Variants in N4BP2 observed in about 807,000 individuals in gnomAD.
The protein encoded by N4BP2 is NEDD4 binding protein 2.
In N4BP2, 91 loss-of-function variants were observed where a neutral mutation model predicts 152.8. That is an observed-to-expected ratio of 0.60 (90% confidence interval 0.50 to 0.71). The LOEUF (loss-of-function observed/expected upper bound fraction) is 0.71, where lower values mean the gene tolerates loss of function less well. Among genes scored for constraint, N4BP2 ranks in the 30% least tolerant of loss-of-function variants. The pLI is 0.00. For synonymous variants in N4BP2, 646 were observed against 705.3 expected (o/e 0.92, Z 1.33); for missense variants, 1,923 against 2,059.1 (o/e 0.93, Z 1.28).
At position 40,120,280 on chromosome 4, in the gene N4BP2, A is replaced by G. The variant is rs755196258; in HGVS notation, c.2169A>G (p.Val723=). The G allele has an allele frequency of 6.2e-7, 1 of 1,613,720 alleles. No homozygotes were observed. The highest frequency in any genetic ancestry group is 8.5e-7 in the Non-Finnish European group (1 of 1,179,826). ...ACACAGATAGTTCTATGGAGAGAGTATCACCTAGTACTTGCTGTAGTGAAA... is the reference window on the plus strand; with the variant it reads ...ACACAGATAGTTCTATGGAGAGAGTGTCACCTAGTACTTGCTGTAGTGAAA... ...KTDTDSSMER[V]SPSTCCSENN... Residue 723 remains valine, a synonymous_variant, in exon 9 of 18, where the codon GTA becomes GTG. Coordinates refer to ENST00000261435, the MANE Select transcript of N4BP2 (RefSeq NM_018177.6).
chr4:40,125,657 G>A (rs1157555367), intron 11 of N4BP2, among the ~76,000 whole-genome samples: 6 of 152,092 alleles, frequency 3.9e-5, no homozygotes, highest in African/African-American at 9.7e-5. Context: ...AGGCCAAGGC[G>A]GGCGGATCAC....
intron 7 of N4BP2, among the ~76,000 whole-genome samples, chr4:40,117,593 A>G (rs1717463426): frequency 6.6e-6 from 1 of 152,216 alleles, no homozygotes; most frequent in African/African-American, 2.4e-5. Flanking sequence ...AAAAGGCACT[A>G]TGAGTGAAAA....
intron 2 of N4BP2, among the ~76,000 whole-genome samples, chr4:40,084,301 A>C (rs985214325): frequency 6.6e-6 from 1 of 152,202 alleles, no homozygotes; most frequent in Admixed American, 6.6e-5. Context: ...GGTGTGACGG[A>C]AAGAATAGGC....
At chr4:40,143,384 G>A (rs1720226996) in intron 15 of N4BP2, among the ~76,000 whole-genome samples, 1 of 151,956 alleles carries the variant, frequency 6.6e-6, no homozygotes, top group African/African-American at 2.4e-5. Context: ...TGCAATCTCC[G>A]CTAACTGCAG....
intron 16 of N4BP2, among the ~76,000 whole-genome samples, chr4:40,148,282 C>G (rs1424139788): frequency 2.0e-5 from 3 of 152,220 alleles, no homozygotes; most frequent in Non-Finnish European, 1.5e-5. Context: ...AACCCTGTCT[C>G]CACCAAAAAA....
At chr4:40,092,018 A>T (rs1390729631) in intron 2 of N4BP2, among the ~76,000 whole-genome samples, 1 of 109,840 alleles carries the variant, frequency 9.1e-6, no homozygotes, top group African/African-American at 3.3e-5. Context: ...TTATATATAT[A>T]TATATATATA....
At chr4:40,149,205 T>C (rs573024074) in intron 16 of N4BP2, among the ~76,000 whole-genome samples, 22 of 152,338 alleles carry the variant, frequency 1.4e-4, no homozygotes, top group African/African-American at 5.1e-4. Flanking sequence ...ACCTAAAAGT[T>C]CATTAACTGA....
Position 40,147,745 on chromosome 4 carries a change from G to A in N4BP2, c.5143+2945G>A, listed in dbSNP as rs182951532. ...TCACTTCCCAGACGGGGTGGCTGCC[G>A]GGCGGAGGGGCTTCTCACTTCTCAG... On this transcript the variant is annotated intron_variant, in intron 16 of 17. Coordinates refer to ENST00000261435, the MANE Select transcript of N4BP2 (RefSeq NM_018177.6). 2.4e-3 allele frequency among the ~76,000 whole-genome samples: 362 copies of A among 151,580 alleles called. 1 individual carries two copies. Among genetic ancestry groups the A allele is most frequent in the African/African-American group, 8.2e-3 (340 of 41,298 alleles).
intron 4 of N4BP2, among the ~76,000 whole-genome samples, chr4:40,105,356 C>G (rs1292827934): frequency 2.0e-5 from 3 of 147,260 alleles, no homozygotes; most frequent in Non-Finnish European, 3.0e-5. Flanking sequence ...CAGAGTCTGA[C>G]TCTGTCACCC....
Position 40,087,511 on chromosome 4 carries a change from G to T in N4BP2, c.-114-9716G>T, listed in dbSNP as rs148081889. ...CTGGAGTAGCTGAGATTACAGGCAT[G>T]TGCCACCAAACCCAGCTAATTTTTT... On this transcript the variant is annotated intron_variant, in intron 2 of 17. Transcript: ENST00000261435. Among the ~76,000 whole-genome samples the T allele has an allele frequency of 5.4e-3, 828 of 152,092 alleles. 4 individuals carry two copies. The highest frequency in any genetic ancestry group is 0.019 in the African/African-American group (769 of 41,476).
chr4:40,180,110 G>A, the N4BP2 span, among the ~76,000 whole-genome samples: 1 of 151,862 alleles, frequency 6.6e-6, no homozygotes, highest in African/African-American at 2.4e-5. Flanking sequence ...TAAAAACTTG[G>A]GCATGGCAAA....
intron 3 of N4BP2, among the ~76,000 whole-genome samples, chr4:40,098,088 T>G (rs528411497): frequency 2.0e-5 from 3 of 152,338 alleles, no homozygotes; most frequent in African/African-American, 7.2e-5. Context: ...TTTTAAAAAC[T>G]TTGTTTTACT....
At chr4:40,114,527 G>A (rs1056024936) in intron 7 of N4BP2, among the ~76,000 whole-genome samples, 12 of 152,108 alleles carry the variant, frequency 7.9e-5, no homozygotes, top group Non-Finnish European at 1.6e-4. Flanking sequence ...ATGTTTTTAA[G>A]GCTCATCCAT....
chr4:40,128,644 C>T (rs921681548), intron 12 of N4BP2, among the ~76,000 whole-genome samples: 1 of 151,752 alleles, frequency 6.6e-6, no homozygotes, highest in Non-Finnish European at 1.5e-5. Flanking sequence ...TCTCCTGCCT[C>T]AGCTTCCCAA....
chr4:40,170,122 T>C, the N4BP2 span, among the ~76,000 whole-genome samples: 17 of 152,246 alleles, frequency 1.1e-4, no homozygotes, highest in African/African-American at 4.1e-4. Context: ...AATTAAAATA[T>C]ACATTTAACT....
Position 40,121,688 on chromosome 4 carries a change from A to C in N4BP2, c.3577A>C (p.Thr1193Pro). The C allele has an allele frequency of 6.2e-7, 1 of 1,614,118 alleles. No homozygotes were observed. The highest frequency in any genetic ancestry group is 8.5e-7 in the Non-Finnish European group (1 of 1,179,980). Reference protein sequence around the residue: ...IGISNADSQSTCDAERGNSEQ... With the variant: ...IGISNADSQSPCDAERGNSEQ... ...TATTAGTAACGCTGACTCACAGTCT[A>C]CTTGTGATGCAGAAAGAGGAAACTC... The change falls in exon 9 of 18, where the codon ACT (threonine) becomes CCT (proline). Residue 1193 changes from threonine to proline, a missense_variant. Transcript: ENST00000261435.
At chr4:40,090,505 C>T (rs1333842394) in intron 2 of N4BP2, among the ~76,000 whole-genome samples, 1 of 152,168 alleles carries the variant, frequency 6.6e-6, no homozygotes, top group Non-Finnish European at 1.5e-5. Context: ...ATAACATCAT[C>T]AATAGGTTCT....
intron 16 of N4BP2, among the ~76,000 whole-genome samples, 173 bp downstream of exon 16, chr4:40,144,973 T>C (rs1720376580): frequency 6.6e-6 from 1 of 152,212 alleles, no homozygotes; most frequent in Non-Finnish European, 1.5e-5. Flanking sequence ...GGATCCTCAT[T>C]GGTATGATGA....
chr4:40,082,583 A>T (rs1713493104), intron 2 of N4BP2, among the ~76,000 whole-genome samples: 1 of 152,176 alleles, frequency 6.6e-6, no homozygotes, highest in Admixed American at 6.5e-5. Context: ...CCTTGAGCCC[A>T]GGACTTCGAG....
Sources: gnomAD v4.1 joint callset for allele counts (sites outside exome capture counted in the v4.1 genomes callset) on GRCh38, gnomAD v4.1.1 for gene constraint, MANE v1.5 for transcripts, NCBI Gene and HGNC (gene_info 2026-07-23, HGNC 2026-07-21) for gene names.